CYB5A: variants seen among roughly 807,000 people sequenced by gnomAD.
CYB5A encodes the protein cytochrome b5 type A.
A neutral mutation model predicts 16.2 loss-of-function variants in CYB5A; 10 were observed. That is an observed-to-expected ratio of 0.62 (90% confidence interval 0.38 to 1.04). The LOEUF (loss-of-function observed/expected upper bound fraction) is 1.04, where lower values mean the gene tolerates loss of function less well. Among genes scored for constraint, CYB5A ranks in the 50% least tolerant of loss-of-function variants. The pLI is 0.01. For synonymous variants in CYB5A, 62 were observed against 57.0 expected (o/e 1.09, Z -0.40); for missense variants, 161 against 165.9 (o/e 0.97, Z 0.16).
intron 1 of CYB5A, among the ~76,000 whole-genome samples, chr18:74,264,564 G>C (rs1982358819): frequency 6.6e-6 from 1 of 152,176 alleles, no homozygotes; most frequent in Non-Finnish European, 1.5e-5. Context: ...TCAGATAGAT[G>C]AGTCCCTGCC....
chr18:74,263,285 A>G, intron 2 of CYB5A, 64 bp downstream of exon 2: 3 of 1,606,872 alleles, frequency 1.9e-6, no homozygotes, highest in Admixed American at 1.7e-5. Context: ...AAGCTTACAG[A>G]CTAGGGTAAG....
At chr18:74,273,530 TA>T (rs1485007718) in intron 1 of CYB5A, among the ~76,000 whole-genome samples, 1 of 152,238 alleles carries the variant, frequency 6.6e-6, no homozygotes, top group Non-Finnish European at 1.5e-5. Flanking sequence ...TATTTTCAGA[TA>T]AACACTGCTG....
intron 1 of CYB5A, 112 bp downstream of exon 1, chr18:74,291,635 C>A: frequency 6.7e-7 from 1 of 1,494,846 alleles, no homozygotes; most frequent in Non-Finnish European, 9.2e-7. Flanking sequence ...ACTCGGGGGG[C>A]GCGCCTAGGC....
chr18:74,281,009 G>A (rs184987850), intron 1 of CYB5A, among the ~76,000 whole-genome samples: 13 of 152,234 alleles, frequency 8.5e-5, no homozygotes, highest in Admixed American at 4.6e-4. Flanking sequence ...AGGGGACCAC[G>A]CGAGAGAAGA....
At chr18:74,272,929 A>G (rs1179992094) in intron 1 of CYB5A, among the ~76,000 whole-genome samples, 2 of 152,188 alleles carry the variant, frequency 1.3e-5, no homozygotes, top group Non-Finnish European at 2.9e-5. Flanking sequence ...TTGCAAAAAC[A>G]AAACAAAACA....
chr18:74,255,196 T>C (rs1981924625), intron 4 of CYB5A, among the ~76,000 whole-genome samples: 1 of 152,170 alleles, frequency 6.6e-6, no homozygotes, highest in Non-Finnish European at 1.5e-5. Context: ...TCCAAAAAAG[T>C]GGCTACTACT....
chr18:74,290,704 G>T (rs1224125706), intron 1 of CYB5A, among the ~76,000 whole-genome samples: 1 of 152,158 alleles, frequency 6.6e-6, no homozygotes, highest in South Asian at 2.1e-4. Flanking sequence ...CTCATTATTG[G>T]GAGGGGGCGT....
At chr18:74,277,201 AT>A (rs1237073399) in intron 1 of CYB5A, among the ~76,000 whole-genome samples, 2 of 152,220 alleles carry the variant, frequency 1.3e-5, no homozygotes, top group Non-Finnish European at 2.9e-5. Context: ...CTGACCAAAC[AT>A]TTCCTATCAT....
rs34280956 is a variant in CYB5A, at chr18:74,281,821, GGTGTGT to G, written c.129+9920_129+9925del. ...TATGTGTGTTTTTGCAGGAGAGGAGGGTGTGTGTGTGTGTGTGTGTGTTTTGCAGGA... is the reference window on the plus strand; with the variant it reads ...TATGTGTGTTTTTGCAGGAGAGGAGGGTGTGTGTGTGTGTGTTTTGCAGGA... On this transcript the variant is annotated intron_variant, in intron 1 of 4. Coordinates refer to ENST00000340533, the MANE Select transcript of CYB5A (RefSeq NM_148923.4). Among the ~76,000 whole-genome samples, 535 of 144,618 alleles carry G rather than the reference GGTGTGT, an allele frequency of 3.7e-3. 2 individuals carry two copies. Among genetic ancestry groups the G allele is most frequent in the Non-Finnish European group, 6.3e-3 (412 of 65,642 alleles). 94.9% of individuals were successfully genotyped at this position (144,618 alleles called of 152,430 possible).
chr18:74,255,250 G>C (rs547823850), intron 4 of CYB5A, among the ~76,000 whole-genome samples: 40 of 152,256 alleles, frequency 2.6e-4, no homozygotes, highest in African/African-American at 9.6e-4. Context: ...ATGTGCACTT[G>C]GACTATCATA....
intron 1 of CYB5A, among the ~76,000 whole-genome samples, chr18:74,280,233 T>G (rs1983040779): frequency 6.6e-6 from 1 of 152,120 alleles, no homozygotes; most frequent in Non-Finnish European, 1.5e-5. Flanking sequence ...CTACTACATC[T>G]AAGAATTCTT....
chr18:74,288,081 C>T (rs1287083505), intron 1 of CYB5A, among the ~76,000 whole-genome samples: 1 of 152,196 alleles, frequency 6.6e-6, no homozygotes, highest in Non-Finnish European at 1.5e-5. Context: ...TAAGCACCTG[C>T]TGCTATGTCG....
At position 74,253,836 on chromosome 18, in the gene CYB5A, C is replaced by A. The variant is rs368463201; in HGVS notation, c.324-171G>T. On this transcript the variant is annotated intron_variant, in intron 4 of 4. Coordinates refer to ENST00000340533, the MANE Select transcript of CYB5A (RefSeq NM_148923.4). Reference sequence around the variant, plus strand: ...AAAAGTGACATGAGTGTAACACATGCCCTGCTATACTAGGAATCACTCTGC... The same window carrying A: ...AAAAGTGACATGAGTGTAACACATGACCTGCTATACTAGGAATCACTCTGC... Among the ~76,000 whole-genome samples, 19 of 152,330 alleles carry A rather than the reference C, an allele frequency of 1.2e-4. 1 individual carries two copies. The highest frequency in any genetic ancestry group is 4.6e-4 in the African/African-American group (19 of 41,590).
chr18:74,269,721 C>T (rs1465409195), intron 1 of CYB5A, among the ~76,000 whole-genome samples: 1 of 152,180 alleles, frequency 6.6e-6, no homozygotes, highest in African/African-American at 2.4e-5. Flanking sequence ...ATCAGCCAAT[C>T]CAGTTGGCAA....
Position 74,285,843 on chromosome 18 carries a change from CAAA to C in CYB5A, c.129+5901_129+5903del, listed in dbSNP as rs58176740. On this transcript the variant is annotated intron_variant, in intron 1 of 4. Coordinates refer to ENST00000340533, the MANE Select transcript of CYB5A (RefSeq NM_148923.4). ...TGGGCAACACAGCAAGACCCCATCT[CAAA>C]AAAAAAAAAAAAAAAAAAAGTAGAA... Among the ~76,000 whole-genome samples the C allele has an allele frequency of 7.3e-3, 518 of 70,852 alleles. 1 individual carries two copies. The highest frequency in any genetic ancestry group is 0.012 in the Non-Finnish European group (375 of 31,728). The allele number at this position is 70,852 out of a possible 152,430, so 46.5% of individuals were successfully genotyped here. A position where few individuals can be genotyped will look rare whatever the true frequency, so the allele number is the denominator to read the frequency against.
chr18:74,273,847 C>A (rs1982766541), intron 1 of CYB5A, among the ~76,000 whole-genome samples: 1 of 152,208 alleles, frequency 6.6e-6, no homozygotes, highest in Non-Finnish European at 1.5e-5. Context: ...ACACGTGGCC[C>A]ACTTAATACC....
At chr18:74,264,465 G>A (rs1057243819) in intron 1 of CYB5A, among the ~76,000 whole-genome samples, 4 of 133,972 alleles carry the variant, frequency 3.0e-5, no homozygotes, top group African/African-American at 1.1e-4. Flanking sequence ...GAGCTGGCAT[G>A]CCTAAGATGA....
chr18:74,273,785 G>A (rs914752817), intron 1 of CYB5A, among the ~76,000 whole-genome samples: 1 of 152,222 alleles, frequency 6.6e-6, no homozygotes, highest in African/African-American at 2.4e-5. Context: ...CTCCCCCGGG[G>A]ATCACAACAG....
intron 1 of CYB5A, among the ~76,000 whole-genome samples, chr18:74,277,742 C>T (rs1982936189): frequency 6.6e-6 from 1 of 152,242 alleles, no homozygotes; most frequent in East Asian, 1.9e-4. Context: ...AGCAGGAGCT[C>T]GCCAGGTGAG....
Sources: allele counts gnomAD v4.1 joint callset (sites outside exome capture counted in the v4.1 genomes callset), GRCh38; gene constraint gnomAD v4.1.1; transcripts MANE v1.5; gene names NCBI Gene and HGNC (gene_info 2026-07-23, HGNC 2026-07-21).